Variants in ANK3 observed in about 807,000 individuals in gnomAD.
ANK3 encodes ankyrin-3.
Under a neutral mutation model 370.9 loss-of-function variants are expected in ANK3, and 57 were observed. The observed-to-expected ratio is 0.15, with a 90% confidence interval of 0.12 to 0.19. ANK3 has a LOEUF of 0.19. ANK3 is among the 10% of genes least tolerant of loss of function. The probability of loss-of-function intolerance (pLI) is 1.00; values close to 1 mark genes in which losing one functional copy is unlikely to be tolerated. For missense variants in ANK3, 4,439 were observed against 5,302.1 expected (o/e 0.84, Z 5.06); for synonymous variants, 1,929 against 1,946.3 (o/e 0.99, Z 0.23).
At chr10:60,545,092 T>C (rs1595247360) in intron 2 of ANK3, among the ~76,000 whole-genome samples, 1 of 152,198 alleles carries the variant, frequency 6.6e-6, no homozygotes, top group Non-Finnish European at 1.5e-5. Context: ...ACCCATAAAA[T>C]AGTAAATCCA....
rs745795403 is a variant in ANK3 at position 60,270,112 on chromosome 10, GA to G, written c.513+18del. 5 of 1,503,940 alleles carry G rather than the reference GA, an allele frequency of 3.3e-6. No homozygotes were observed. Among genetic ancestry groups the G allele is most frequent in the African/African-American group, 1.4e-5 (1 of 70,506 alleles). The allele number at this position is 1,503,940 out of a possible 1,614,324, so 93.2% of individuals were successfully genotyped here. ...TATAAATACGTGAACTCACCCACAG[GA>G]AAAAAACAGTATCTTACCTCTGTGG... is the stretch of plus-strand genomic sequence containing the variant. On this transcript the variant is annotated intron_variant, in intron 5 of 43. Coordinates refer to ENST00000280772, the MANE Select transcript of ANK3 (RefSeq NM_020987.5).
intron 1 of ANK3, among the ~76,000 whole-genome samples, chr10:60,715,728 A>G (rs895508691): frequency 6.6e-6 from 1 of 152,294 alleles, no homozygotes; most frequent in Non-Finnish European, 1.5e-5. Context: ...TAGGTTTTGC[A>G]TATTTGCAAC....
At chr10:60,645,300 T>C (rs543293619) in intron 1 of ANK3, among the ~76,000 whole-genome samples, 177 of 152,342 alleles carry the variant, frequency 1.2e-3, no homozygotes, top group African/African-American at 4.0e-3. Context: ...AAGCCACTTC[T>C]TATAAATCCA....
chr10:60,317,415 T>A (rs142969312), intron 1 of ANK3, among the ~76,000 whole-genome samples: 5 of 152,272 alleles, frequency 3.3e-5, no homozygotes, highest in African/African-American at 4.8e-5. Flanking sequence ...TGAGCCACTG[T>A]GCCCGGCCCC....
chr10:60,375,325 C>T (rs939804869), intron 1 of ANK3, among the ~76,000 whole-genome samples: 23 of 152,120 alleles, frequency 1.5e-4, no homozygotes, highest in African/African-American at 5.6e-4. Flanking sequence ...TCATGGTTTG[C>T]CTACTTCTAA....
chr10:60,121,443 GCAC>G (rs2093466052), intron 25 of ANK3, among the ~76,000 whole-genome samples: 1 of 151,128 alleles, frequency 6.6e-6, no homozygotes, highest in African/African-American at 2.4e-5. Flanking sequence ...TGTAATCCCA[GCAC>G]TTTGGGAGGT....
intron 1 of ANK3, among the ~76,000 whole-genome samples, chr10:60,306,972 T>C (rs1375093020): frequency 6.6e-6 from 1 of 152,164 alleles, no homozygotes; most frequent in Non-Finnish European, 1.5e-5. Context: ...TCAAGCGATC[T>C]ACCCGCCTCA....
chr10:60,265,240 A>G (rs1192441409), intron 5 of ANK3, among the ~76,000 whole-genome samples: 1 of 152,154 alleles, frequency 6.6e-6, no homozygotes, highest in Admixed American at 6.5e-5. Context: ...CTCATTGACC[A>G]TTACCTCCTG....
chr10:60,325,440 T>C (rs1323579242), intron 1 of ANK3, among the ~76,000 whole-genome samples: 1 of 152,150 alleles, frequency 6.6e-6, no homozygotes, highest in Non-Finnish European at 1.5e-5. Flanking sequence ...ACCACCCCCC[T>C]GCCCCTCCAC....
At chr10:60,686,984 G>C (rs1224836269) in intron 1 of ANK3, among the ~76,000 whole-genome samples, 2 of 152,136 alleles carry the variant, frequency 1.3e-5, no homozygotes, top group Admixed American at 1.3e-4. Context: ...TCTATGTTTA[G>C]ATACACAAAT....
chr10:60,633,338 A>C (rs1342714476), intron 1 of ANK3, among the ~76,000 whole-genome samples: 1 of 152,240 alleles, frequency 6.6e-6, no homozygotes, highest in African/African-American at 2.4e-5. Flanking sequence ...TAAATCACAA[A>C]GACTTCCTTA....
At chr10:60,105,389 G>A (rs1042522866) in intron 28 of ANK3, among the ~76,000 whole-genome samples, 4 of 152,068 alleles carry the variant, frequency 2.6e-5, no homozygotes, top group Non-Finnish European at 5.9e-5. Context: ...GTCAAAGAAT[G>A]AGACATTGAA....
intron 1 of ANK3, among the ~76,000 whole-genome samples, chr10:60,705,621 G>C (rs1252948204): frequency 6.6e-6 from 1 of 151,978 alleles, no homozygotes; most frequent in Non-Finnish European, 1.5e-5. Context: ...ATGGCATAGA[G>C]TAGCTGTGTT....
chr10:60,397,207 A>G (rs915098852), intron 2 of ANK3, among the ~76,000 whole-genome samples: 1 of 152,016 alleles, frequency 6.6e-6, no homozygotes, highest in Non-Finnish European at 1.5e-5. Context: ...GGATTAAAAA[A>G]AAAAAAAAAC....
At chr10:60,067,560 C>A (rs1386666605) in intron 38 of ANK3, among the ~76,000 whole-genome samples, 1 of 152,114 alleles carries the variant, frequency 6.6e-6, no homozygotes, top group Non-Finnish European at 1.5e-5. Context: ...AGGACATAAA[C>A]CATGTGAAAG....
chr10:60,102,496 C>G (rs1249456344), intron 28 of ANK3, among the ~76,000 whole-genome samples: 1 of 152,102 alleles, frequency 6.6e-6, no homozygotes, highest in East Asian at 1.9e-4. Context: ...GCGGTGGAGC[C>G]AAGATGAGAA....
intron 28 of ANK3, among the ~76,000 whole-genome samples, chr10:60,093,968 T>C (rs754161021): frequency 6.6e-5 from 10 of 152,178 alleles, no homozygotes; most frequent in Admixed American, 1.3e-4. Flanking sequence ...AAAACTTGCA[T>C]GGTTATTGAC....
chr10:60,343,931 A>G (rs999431187), intron 1 of ANK3, among the ~76,000 whole-genome samples: 2 of 152,198 alleles, frequency 1.3e-5, no homozygotes, highest in African/African-American at 2.4e-5. Context: ...TAATCCAGAG[A>G]CCACATTTTG....
chr10:60,601,790 AG>A (rs1376688782), intron 2 of ANK3, among the ~76,000 whole-genome samples: 1 of 152,188 alleles, frequency 6.6e-6, no homozygotes, highest in Non-Finnish European at 1.5e-5. Context: ...TGTTTACAAT[AG>A]GGGAAACTGG....
Sources: allele counts gnomAD v4.1 joint callset (sites outside exome capture counted in the v4.1 genomes callset), GRCh38; gene constraint gnomAD v4.1.1; transcripts MANE v1.5; gene names NCBI Gene and HGNC (gene_info 2026-07-23, HGNC 2026-07-21).